DRG1: variants seen among roughly 807,000 people sequenced by gnomAD.
DRG1 encodes the protein developmentally-regulated GTP-binding protein 1.
DRG1 carries 19 observed loss-of-function variants against 38.8 expected under a neutral mutation model. The observed-to-expected ratio is 0.49, with a 90% CI of 0.34 to 0.72. The LOEUF (loss-of-function observed/expected upper bound fraction) is 0.72, where lower values mean the gene tolerates loss of function less well. Among genes scored for constraint, DRG1 ranks in the 30% least tolerant of loss-of-function variants. The probability of loss-of-function intolerance (pLI) is 0.01; values close to 1 mark genes in which losing one functional copy is unlikely to be tolerated. For missense variants in DRG1, 299 were observed against 444.8 expected (o/e 0.67, Z 2.95); for synonymous variants, 167 against 157.5 (o/e 1.06, Z -0.45).
At chr22:31,431,970 A>G (rs1250553538) in intron 8 of DRG1, among the ~76,000 whole-genome samples, 1 of 152,182 alleles carries the variant, frequency 6.6e-6, no homozygotes, top group Non-Finnish European at 1.5e-5. Context: ...CAGGGAATTA[A>G]AAAGGGGAGA....
At chr22:31,409,812 G>C (rs1324988689) in intron 3 of DRG1, among the ~76,000 whole-genome samples, 1 of 152,000 alleles carries the variant, frequency 6.6e-6, no homozygotes, top group Non-Finnish European at 1.5e-5. Context: ...TGGGCAACAC[G>C]TCGAAACCCT....
chr22:31,422,490 G>A (rs913421127), intron 5 of DRG1, among the ~76,000 whole-genome samples: 1 of 152,164 alleles, frequency 6.6e-6, no homozygotes, highest in Non-Finnish European at 1.5e-5. Context: ...GACCAAGAGA[G>A]AGAAGGAAAA....
At position 31,414,492 on chromosome 22, in the gene DRG1, TC is replaced by T. The variant is rs1208610741; in HGVS notation, c.412+3413del. On this transcript the variant is annotated intron_variant, in intron 4 of 8. Coordinates refer to ENST00000331457, the MANE Select transcript of DRG1 (RefSeq NM_004147.4). ...AAACAAAAAAATTCTTGATCTCCCA[TC>T]CTCAACTTGCTCTTCCCTTAGTCTT... Among the ~76,000 whole-genome samples the T allele has an allele frequency of 2.0e-5, 3 of 152,268 alleles. No homozygotes were observed. The South Asian group carries it at 6.2e-4, about 32-fold the overall frequency.
intron 4 of DRG1, among the ~76,000 whole-genome samples, chr22:31,420,000 G>A (rs2050067357): frequency 6.6e-6 from 1 of 152,174 alleles, no homozygotes; most frequent in African/African-American, 2.4e-5. Context: ...CCAAGATTGT[G>A]CCACTGCACT....
chr22:31,432,698 T>TA (rs1302321728), intron 8 of DRG1, among the ~76,000 whole-genome samples: 1 of 152,096 alleles, frequency 6.6e-6, no homozygotes, highest in Non-Finnish European at 1.5e-5. Flanking sequence ...ATGCTGGAAT[T>TA]ACAGGTGTGA....
chr22:31,423,279 G>A lies in DRG1; in HGVS notation c.583-1G>A. 1.9e-6 allele frequency: 3 copies of A among 1,613,682 alleles called. No homozygotes were observed. The highest frequency in any genetic ancestry group is 2.5e-6 in the Non-Finnish European group (3 of 1,179,956). ...ACTAGTCATCTGCTATTCCCTTTCA[G>A]TGCCCCCAGAGTGAGCTGGATGCTG... On this transcript the variant is annotated splice_acceptor_variant, in intron 5 of 8. Transcript: ENST00000331457. LOFTEE classifies it high-confidence loss of function.
chr22:31,399,622 T>G lies in DRG1; in HGVS notation c.-62T>G, dbSNP rs1601522085. ...GTGCTGCAGTAGCGCCTGGTGGCGG[T>G]GGCAGTTTGCCCGCGGGTGTGTGAA... is the stretch of plus-strand genomic sequence containing the variant. On this transcript the variant is annotated 5_prime_UTR_variant, in exon 1 of 9. Coordinates refer to ENST00000331457, the MANE Select transcript of DRG1 (RefSeq NM_004147.4). 2 of 1,611,262 alleles carry G rather than the reference T, an allele frequency of 1.2e-6. No individual in the cohort carries two copies. The highest frequency in any genetic ancestry group is 1.7e-6 in the Non-Finnish European group (2 of 1,177,506).
intron 3 of DRG1, among the ~76,000 whole-genome samples, chr22:31,406,052 T>G (rs1275532779): frequency 6.7e-6 from 1 of 150,160 alleles, no homozygotes; most frequent in South Asian, 2.1e-4. Context: ...TTGCCCAAGA[T>G]GGAGTGCAGT....
At position 31,434,040 on chromosome 22, in the gene DRG1, A is replaced by G; in HGVS notation, c.*69A>G. ...TCCCCATGATCAAGCACCCTACCCCAGTTCTTTCTGGTTTTGGCAGTCACT... is the reference window on the plus strand; with the variant it reads ...TCCCCATGATCAAGCACCCTACCCCGGTTCTTTCTGGTTTTGGCAGTCACT... On this transcript the variant is annotated 3_prime_UTR_variant, in exon 9 of 9. Transcript: ENST00000331457. 1 of 1,465,578 alleles carries G rather than the reference A, an allele frequency of 6.8e-7. No homozygotes were observed. The highest frequency in any genetic ancestry group is 1.2e-5 in the South Asian group (1 of 83,862). 90.8% of individuals were successfully genotyped at this position (1,465,578 alleles called of 1,614,324 possible). A position where few individuals can be genotyped will look rare whatever the true frequency, so the allele number is the denominator to read the frequency against.
rs1376731732 is a variant in DRG1, at chr22:31,427,027, A to G, written c.882-33A>G. 2.5e-6 allele frequency: 4 copies of G among 1,612,854 alleles called. No individual in the cohort carries two copies. In the African/African-American group the frequency reaches 5.3e-5, roughly 22 times the overall value. ...CATTCAACACATGAGATAGTCTAAG[A>G]AGGCAGTAATCTTTATGCCCTCTCT... is the stretch of plus-strand genomic sequence containing the variant. On this transcript the variant is annotated intron_variant, in intron 7 of 8. Coordinates refer to ENST00000331457, the MANE Select transcript of DRG1 (RefSeq NM_004147.4).
At chr22:31,415,458 T>G (rs138853805) in intron 4 of DRG1, among the ~76,000 whole-genome samples, 1 of 152,068 alleles carries the variant, frequency 6.6e-6, no homozygotes, top group East Asian at 1.9e-4. Flanking sequence ...ATAAAAATCC[T>G]TAATTTTGTT....
chr22:31,430,278 C>T (rs1288830217), intron 8 of DRG1, among the ~76,000 whole-genome samples: 3 of 152,122 alleles, frequency 2.0e-5, no homozygotes, highest in African/African-American at 7.2e-5. Flanking sequence ...CTTATATACA[C>T]AACTGTATTT....
At chr22:31,402,270 C>T (rs2049966137) in intron 2 of DRG1, among the ~76,000 whole-genome samples, 1 of 151,986 alleles carries the variant, frequency 6.6e-6, no homozygotes, top group African/African-American at 2.4e-5. Context: ...TGACTCTGAA[C>T]TTGTTGGCAG....
rs548738558 is a variant in DRG1, at chr22:31,401,149, T to C, written c.166+406T>C. 2.0e-5 allele frequency among the ~76,000 whole-genome samples: 3 copies of C among 151,474 alleles called. No homozygotes were observed. The South Asian group carries it at 6.3e-4, about 32-fold the overall frequency. The stretch of plus-strand genomic sequence containing the variant: ...ATAGATTTACATGCGCTGGGTGCAG[T>C]GGCTCACCCTTGTAATTCCAGCACT... On this transcript the variant is annotated intron_variant, in intron 2 of 8. Transcript: ENST00000331457.
chr22:31,412,424 C>T (rs1351723083), intron 4 of DRG1, among the ~76,000 whole-genome samples: 5 of 146,226 alleles, frequency 3.4e-5, no homozygotes, highest in African/African-American at 1.3e-4. Context: ...CATCTTGGCA[C>T]ACTGCAAGCT....
At chr22:31,403,233 A>C in intron 3 of DRG1, 29 bp downstream of exon 3, 1 of 1,571,766 alleles carries the variant, frequency 6.4e-7, no homozygotes, top group Non-Finnish European at 8.6e-7. Flanking sequence ...CTAAGGAAGG[A>C]AAGAAATCTA....
intron 8 of DRG1, among the ~76,000 whole-genome samples, chr22:31,430,857 A>G (rs562995979): frequency 3.9e-5 from 6 of 152,086 alleles, no homozygotes; most frequent in Non-Finnish European, 7.4e-5. Flanking sequence ...AGCTGAGACC[A>G]TAAGTGTATG....
At chr22:31,428,006 A>G (rs1205390809) in intron 8 of DRG1, among the ~76,000 whole-genome samples, 1 of 152,062 alleles carries the variant, frequency 6.6e-6, no homozygotes, top group East Asian at 1.9e-4. Flanking sequence ...GGCATGAGCC[A>G]CCGTGCCTGG....
chr22:31,434,289 G>A lies in DRG1; in HGVS notation c.*318G>A, dbSNP rs990540044. ...GGGATCCTTGGGAACTTCATCTTGAGTGTGAAATGGATAAAAATATGACAT... is the reference window on the plus strand; with the variant it reads ...GGGATCCTTGGGAACTTCATCTTGAATGTGAAATGGATAAAAATATGACAT... On this transcript the variant is annotated 3_prime_UTR_variant, in exon 9 of 9. Transcript: ENST00000331457. 2 of 253,696 alleles carry A rather than the reference G, an allele frequency of 7.9e-6. No homozygotes were observed. The highest frequency in any genetic ancestry group is 1.5e-5 in the Non-Finnish European group (2 of 130,620). The allele number at this position is 253,696 out of a possible 1,614,324, so 15.7% of individuals were successfully genotyped here. A position where few individuals can be genotyped will look rare whatever the true frequency, so the allele number is the denominator to read the frequency against.
Sources: gnomAD v4.1 joint callset for allele counts (sites outside exome capture counted in the v4.1 genomes callset) on GRCh38, gnomAD v4.1.1 for gene constraint, MANE v1.5 for transcripts, NCBI Gene and HGNC (gene_info 2026-07-23, HGNC 2026-07-21) for gene names.